DCC: variants seen among roughly 807,000 people sequenced by gnomAD.
DCC encodes the protein netrin receptor DCC.
Under a neutral mutation model 172.5 loss-of-function variants are expected in DCC, and 58 were observed. The ratio of observed to expected loss-of-function variants is 0.34; its 90% confidence interval spans 0.27 to 0.42. The LOEUF (loss-of-function observed/expected upper bound fraction) is 0.42, where lower values mean the gene tolerates loss of function less well. Among genes scored for constraint, DCC ranks in the 10% least tolerant of loss-of-function variants. The pLI is 1.00. For missense variants in DCC, 1,740 were observed against 1,791.0 expected, an observed-to-expected ratio of 0.97 and a Z score of 0.51; for synonymous variants, 709 against 644.5, an observed-to-expected ratio of 1.10 and a Z score of -1.52.
chr18:52,837,562 G>A (rs1486915593), intron 2 of DCC, among the ~76,000 whole-genome samples: 1 of 152,062 alleles, frequency 6.6e-6, no homozygotes, highest in Non-Finnish European at 1.5e-5. Context: ...CTCCATCTGA[G>A]ATCACCTCAG....
At chr18:52,708,045 T>A (rs140373905) in intron 1 of DCC, among the ~76,000 whole-genome samples, 1 of 152,214 alleles carries the variant, frequency 6.6e-6, no homozygotes, top group African/African-American at 2.4e-5. Context: ...GTAGTGCATA[T>A]ATTAGTTTGA....
chr18:53,325,196 CAAAAAA>C (rs750007696), intron 14 of DCC, among the ~76,000 whole-genome samples: 1 of 65,110 alleles, frequency 1.5e-5, no homozygotes, highest in Non-Finnish European at 2.7e-5. Context: ...GACTCCATCT[CAAAAAA>C]AAAAAAAAAA....
chr18:53,267,093 C>A (rs1403120855), intron 12 of DCC, among the ~76,000 whole-genome samples: 1 of 146,564 alleles, frequency 6.8e-6, no homozygotes, highest in Non-Finnish European at 1.5e-5. Flanking sequence ...TATATACACA[C>A]ACACACACTC....
At chr18:53,091,326 A>AAT (rs962628245) in intron 7 of DCC, among the ~76,000 whole-genome samples, 92 of 147,354 alleles carry the variant, frequency 6.2e-4, no homozygotes, top group African/African-American at 8.9e-4. Context: ...CGTTCTACCA[A>AAT]ATATATATAT....
At chr18:53,513,409 C>T (rs148052481) in intron 27 of DCC, among the ~76,000 whole-genome samples, 4,383 of 152,208 alleles carry the variant, frequency 0.029, 254 homozygotes, top group African/African-American at 0.1. Context: ...CATCAACTAA[C>T]GAGCAAAATC....
At chr18:52,795,489 G>T (rs896343158) in intron 2 of DCC, among the ~76,000 whole-genome samples, 3 of 151,552 alleles carry the variant, frequency 2.0e-5, no homozygotes, top group Non-Finnish European at 3.0e-5. Context: ...AACTTATGTG[G>T]GTCTTCTCTT....
intron 2 of DCC, among the ~76,000 whole-genome samples, chr18:52,849,539 A>G (rs1021734014): frequency 6.6e-6 from 1 of 152,218 alleles, no homozygotes; most frequent in Non-Finnish European, 1.5e-5. Flanking sequence ...AGAAGAGAGT[A>G]TTGGAAACAA....
At chr18:53,312,158 A>T (rs201341613) in intron 13 of DCC, among the ~76,000 whole-genome samples, 1 of 142,040 alleles carries the variant, frequency 7.0e-6, no homozygotes, top group African/African-American at 2.6e-5. Flanking sequence ...AAATACAAAA[A>T]AAAAAAAAAA....
intron 16 of DCC, among the ~76,000 whole-genome samples, chr18:53,389,602 G>A (rs1275100473): frequency 6.6e-6 from 1 of 152,158 alleles, no homozygotes; most frequent in African/African-American, 2.4e-5. Context: ...TGTCAAGAAG[G>A]ATGACAAGCC....
chr18:53,497,056 A>AT (rs1411411783), intron 26 of DCC, among the ~76,000 whole-genome samples: 1 of 152,228 alleles, frequency 6.6e-6, no homozygotes, highest in African/African-American at 2.4e-5. Flanking sequence ...TTTAAGGCAG[A>AT]TTTTTGAGGA....
At chr18:52,618,151 G>T (rs1314575950) in intron 1 of DCC, among the ~76,000 whole-genome samples, 1 of 151,982 alleles carries the variant, frequency 6.6e-6, no homozygotes, top group Non-Finnish European at 1.5e-5. Context: ...TATCATCACA[G>T]ACCTGACTCA....
chr18:52,593,662 C>T (rs1160010903), intron 1 of DCC, among the ~76,000 whole-genome samples: 2 of 152,260 alleles, frequency 1.3e-5, no homozygotes, highest in Admixed American at 6.5e-5. Context: ...ATCAGCCTCA[C>T]GACAATCGAT....
intron 25 of DCC, among the ~76,000 whole-genome samples, chr18:53,473,048 C>G (rs1477798331): frequency 6.6e-6 from 1 of 152,128 alleles, no homozygotes; most frequent in Non-Finnish European, 1.5e-5. Context: ...ATAGCTCAAC[C>G]TAAGAAGTTT....
chr18:52,600,717 T>C lies in DCC; in HGVS notation c.92-151337T>C, dbSNP rs368186441. Among the ~76,000 whole-genome samples, 170 of 32,626 alleles carry C rather than the reference T, an allele frequency of 5.2e-3. 1 individual carries two copies. The highest frequency in any genetic ancestry group is 0.021 in the African/African-American group (158 of 7,356). 21.4% of individuals were successfully genotyped at this position (32,626 alleles called of 152,430 possible). A position where few individuals can be genotyped will look rare whatever the true frequency, so the allele number is the denominator to read the frequency against. On this transcript the variant is annotated intron_variant, in intron 1 of 28. Transcript: ENST00000442544. ...ATTTTCTCCTTAAAAATTTTGCGCATTGTTGTTGTTGGTGTTGTTTTTTAA... is the reference window on the plus strand; with the variant it reads ...ATTTTCTCCTTAAAAATTTTGCGCACTGTTGTTGTTGGTGTTGTTTTTTAA...
chr18:53,024,518 C>G (rs1415691951), intron 5 of DCC, among the ~76,000 whole-genome samples: 2 of 152,072 alleles, frequency 1.3e-5, no homozygotes, highest in Non-Finnish European at 2.9e-5. Context: ...AGCCAAAGAG[C>G]CCATCAAAGT....
chr18:53,278,877 C>A (rs923223735), intron 12 of DCC, among the ~76,000 whole-genome samples: 1 of 152,140 alleles, frequency 6.6e-6, no homozygotes, highest in Non-Finnish European at 1.5e-5. Flanking sequence ...AAAGAACTGA[C>A]AGCTGTTAAG....
At chr18:53,310,863 C>T (rs1568047286) in intron 13 of DCC, among the ~76,000 whole-genome samples, 1 of 152,074 alleles carries the variant, frequency 6.6e-6, no homozygotes, top group Non-Finnish European at 1.5e-5. Context: ...CTTGAGGACA[C>T]TTAGCATTCA....
chr18:52,607,707 A>T (rs1264836899), intron 1 of DCC, among the ~76,000 whole-genome samples: 2 of 152,216 alleles, frequency 1.3e-5, no homozygotes, highest in Admixed American at 1.3e-4. Context: ...GTACAAAAAT[A>T]TCCATCTCTT....
At chr18:52,971,981 T>C (rs560204498) in intron 5 of DCC, among the ~76,000 whole-genome samples, 7 of 152,296 alleles carry the variant, frequency 4.6e-5, no homozygotes, top group African/African-American at 1.7e-4. Context: ...CTCTGTCTCC[T>C]GACAGTGAGC....
Sources: allele counts gnomAD v4.1 joint callset (sites outside exome capture counted in the v4.1 genomes callset), GRCh38; gene constraint gnomAD v4.1.1; transcripts MANE v1.5; gene names NCBI Gene and HGNC (gene_info 2026-07-23, HGNC 2026-07-21).